Variants in ITGA9 observed in about 807,000 individuals in gnomAD.
The protein encoded by ITGA9 is integrin alpha-9.
In ITGA9, 56 loss-of-function variants were observed where a neutral mutation model predicts 127.8. The observed-to-expected ratio is 0.44, with a 90% CI of 0.35 to 0.55. The LOEUF (loss-of-function observed/expected upper bound fraction) is 0.55, where lower values mean the gene tolerates loss of function less well. ITGA9 is among the 20% of genes least tolerant of loss of function. The pLI, the probability that ITGA9 is intolerant of heterozygous loss-of-function variation, is 0.00. For synonymous variants in ITGA9, 508 were observed against 514.5 expected (o/e 0.99, Z 0.17); for missense variants, 1,196 against 1,347.1 (o/e 0.89, Z 1.76).
At chr3:37,491,403 A>G (rs998814033) in intron 4 of ITGA9, among the ~76,000 whole-genome samples, 3 of 152,208 alleles carry the variant, frequency 2.0e-5, no homozygotes, top group Non-Finnish European at 4.4e-5. Flanking sequence ...GGCACTAGCT[A>G]TTGTAGTCCT....
At chr3:37,539,634 T>C (rs1699246570) in intron 14 of ITGA9, among the ~76,000 whole-genome samples, 1 of 152,258 alleles carries the variant, frequency 6.6e-6, no homozygotes, top group Admixed American at 6.5e-5. Flanking sequence ...TAATCTGCTT[T>C]ATTCAAAGTC....
At chr3:37,573,714 GA>G (rs1559540091) in intron 15 of ITGA9, among the ~76,000 whole-genome samples, 1 of 152,152 alleles carries the variant, frequency 6.6e-6, no homozygotes, top group Admixed American at 6.5e-5. Context: ...TAGCTTCAAG[GA>G]AGGAAATATA....
intron 3 of ITGA9, among the ~76,000 whole-genome samples, chr3:37,475,586 G>A (rs950816818): frequency 1.3e-5 from 2 of 152,190 alleles, no homozygotes; most frequent in African/African-American, 4.8e-5. Context: ...CTAATTAATT[G>A]CATGCAGGAC....
At chr3:37,620,885 A>T (rs891831446) in intron 15 of ITGA9, among the ~76,000 whole-genome samples, 1 of 152,076 alleles carries the variant, frequency 6.6e-6, no homozygotes, top group Admixed American at 6.5e-5. Flanking sequence ...TTTTTTGCTC[A>T]CACTCCTCCT....
intron 17 of ITGA9, among the ~76,000 whole-genome samples, chr3:37,678,272 G>A (rs980240603): frequency 2.0e-5 from 3 of 152,180 alleles, no homozygotes; most frequent in Non-Finnish European, 4.4e-5. Context: ...GCAGCCACTC[G>A]ATTTTACGTT....
At chr3:37,581,332 A>G (rs1194527510) in intron 15 of ITGA9, among the ~76,000 whole-genome samples, 4 of 152,168 alleles carry the variant, frequency 2.6e-5, no homozygotes, top group South Asian at 2.1e-4. Context: ...TTAGATGTGA[A>G]AAAGGGAGGG....
chr3:37,531,761 A>G (rs1699154845), intron 13 of ITGA9, among the ~76,000 whole-genome samples: 1 of 152,222 alleles, frequency 6.6e-6, no homozygotes, highest in African/African-American at 2.4e-5. Context: ...GGGTGTTTGC[A>G]CATTTATTAT....
At chr3:37,537,148 C>T (rs570783513) in intron 14 of ITGA9, among the ~76,000 whole-genome samples, 3 of 152,292 alleles carry the variant, frequency 2.0e-5, no homozygotes, top group African/African-American at 4.8e-5. Flanking sequence ...GGAGCTAGGA[C>T]CTGAACCTCT....
intron 15 of ITGA9, among the ~76,000 whole-genome samples, chr3:37,559,628 T>C (rs1699466061): frequency 6.6e-6 from 1 of 152,212 alleles, no homozygotes; most frequent in African/African-American, 2.4e-5. Context: ...ATACACTCTG[T>C]TGCACGTGCC....
At chr3:37,694,871 C>T (rs1006530969) in intron 18 of ITGA9, among the ~76,000 whole-genome samples, 1 of 152,142 alleles carries the variant, frequency 6.6e-6, no homozygotes, top group Non-Finnish European at 1.5e-5. Flanking sequence ...TTTCAAAAAT[C>T]GAGAACTTCA....
intron 19 of ITGA9, among the ~76,000 whole-genome samples, chr3:37,735,845 A>G (rs775399799): frequency 6.6e-6 from 1 of 152,236 alleles, no homozygotes; most frequent in Non-Finnish European, 1.5e-5. Context: ...ACTGAACAAC[A>G]TTGACCCTAA....
At chr3:37,535,789 G>A (rs1699202011) in intron 14 of ITGA9, among the ~76,000 whole-genome samples, 1 of 152,148 alleles carries the variant, frequency 6.6e-6, no homozygotes, top group African/African-American at 2.4e-5. Flanking sequence ...GGAGAATTTT[G>A]ATATCTCAAT....
intron 18 of ITGA9, among the ~76,000 whole-genome samples, chr3:37,705,003 A>G (rs1045521924): frequency 1.3e-5 from 2 of 152,168 alleles, no homozygotes; most frequent in African/African-American, 4.8e-5. Flanking sequence ...AAAGATAACC[A>G]TTTACTCTGA....
chr3:37,618,782 T>G (rs893318727), intron 15 of ITGA9, among the ~76,000 whole-genome samples: 9 of 152,230 alleles, frequency 5.9e-5, no homozygotes, highest in Non-Finnish European at 1.0e-4. Context: ...TATAATCTCC[T>G]CGTGTGCTGT....
chr3:37,562,564 C>T (rs185119569), intron 15 of ITGA9, among the ~76,000 whole-genome samples: 4 of 152,304 alleles, frequency 2.6e-5, no homozygotes, highest in Non-Finnish European at 4.4e-5. Context: ...GCCCACGGCA[C>T]GGAGGTTCAG....
chr3:37,694,477 A>G (rs1006022038), intron 18 of ITGA9, among the ~76,000 whole-genome samples: 1 of 152,208 alleles, frequency 6.6e-6, no homozygotes, highest in Non-Finnish European at 1.5e-5. Context: ...TCCATTTCAA[A>G]TCACAAGGCG....
chr3:37,533,282 C>T (rs150542603), intron 13 of ITGA9, 32 bp from the exon 14 acceptor site: 20,390 of 1,611,506 alleles, frequency 0.013, 152 homozygotes, highest in Middle Eastern at 0.015. Flanking sequence ...CTCCTTACCA[C>T]GACTAAGTCA....
rs58808505 is a variant in ITGA9, at chr3:37,452,921, G to A, written c.185+362G>A. The stretch of plus-strand genomic sequence containing the variant: ...TTGGCTCCTCTGCCTCCGGGCGGCC[G>A]CCGCTGGCCCAGCGAGCCTCCTGAA... On this transcript the variant is annotated intron_variant, in intron 1 of 27. Transcript: ENST00000264741. The surrounding 1 kb of genome is among the most constrained non-coding windows in gnomAD (Gnocchi z 7.3). Among the ~76,000 whole-genome samples, 3,166 of 152,318 alleles carry A rather than the reference G, an allele frequency of 0.021. 114 individuals are homozygous for A. Among genetic ancestry groups the A allele is most frequent in the African/African-American group, 0.071 (2,947 of 41,578 alleles).
chr3:37,738,265 A>G (rs1194804643), intron 20 of ITGA9, among the ~76,000 whole-genome samples: 1 of 152,236 alleles, frequency 6.6e-6, no homozygotes, highest in African/African-American at 2.4e-5. Context: ...GAAGGGCTTC[A>G]GTGGGGAGGT....
Sources: gnomAD v4.1 joint callset for allele counts (sites outside exome capture counted in the v4.1 genomes callset) on GRCh38, gnomAD v4.1.1 for gene constraint, Gnocchi (gnomAD v3.1) non-coding constraint, MANE v1.5 for transcripts, NCBI Gene and HGNC (gene_info 2026-07-23, HGNC 2026-07-21) for gene names.